Variants in METTL15 observed in about 807,000 individuals in gnomAD.
METTL15 encodes the protein 12S rRNA N(4)-cytidine methyltransferase METTL15.
In METTL15, 34 loss-of-function variants were observed where a neutral mutation model predicts 38.3. That is an observed-to-expected ratio of 0.89 (90% CI 0.68 to 1.18). METTL15 has a LOEUF of 1.18. Ranked by LOEUF, METTL15 falls within the 50% of genes most tolerant of loss-of-function variation. The pLI is 0.00. For missense variants in METTL15, 438 were observed against 498.4 expected, an observed-to-expected ratio of 0.88 and a Z score of 1.15; for synonymous variants, 162 against 170.9, an observed-to-expected ratio of 0.95 and a Z score of 0.41.
chr11:28,159,962 G>C (rs1850397535), intron 3 of METTL15, among the ~76,000 whole-genome samples: 1 of 152,112 alleles, frequency 6.6e-6, no homozygotes, highest in Admixed American at 6.6e-5. Context: ...GTCTATGAGA[G>C]TATTGCCAAA....
rs540523202 is a variant in METTL15 at position 28,172,568 on chromosome 11, G to A, written c.271-38494G>A. Among the ~76,000 whole-genome samples, 26 of 152,038 alleles carry A rather than the reference G, an allele frequency of 1.7e-4. No individual in the cohort carries two copies. In the South Asian group the frequency reaches 5.4e-3, roughly 32 times the overall value. ...AGCTTCCATTTATTATACCGTTTTA[G>A]CACTCTACTAACTGCCTTACATTCT... On this transcript the variant is annotated intron_variant, in intron 3 of 6. Coordinates refer to ENST00000407364, the MANE Select transcript of METTL15 (RefSeq NM_001113528.2).
intron 2 of METTL15, among the ~76,000 whole-genome samples, chr11:28,110,743 T>C (rs754666554): frequency 7.9e-5 from 12 of 152,212 alleles, no homozygotes; most frequent in Non-Finnish European, 1.6e-4. Context: ...GCAATGATTA[T>C]AATTGTTAGA....
intron 6 of METTL15, among the ~76,000 whole-genome samples, chr11:28,509,511 A>T (rs1006918158): frequency 3.3e-5 from 5 of 151,270 alleles, no homozygotes; most frequent in Admixed American, 3.3e-4. Flanking sequence ...AGCAAGACTT[A>T]TCTTTTGGAT....
chr11:28,393,004 G>A (rs943555118), intron 5 of METTL15, among the ~76,000 whole-genome samples: 1 of 151,792 alleles, frequency 6.6e-6, no homozygotes, highest in Non-Finnish European at 1.5e-5. Context: ...AGAAAAAAAA[G>A]CAAAACAGAA....
intron 6 of METTL15, among the ~76,000 whole-genome samples, chr11:28,510,695 A>T (rs1176126212): frequency 1.3e-5 from 2 of 152,206 alleles, no homozygotes; most frequent in Non-Finnish European, 2.9e-5. Flanking sequence ...AATCATGTTA[A>T]GTATGCAAAC....
chr11:28,512,200 A>G (rs983300748), intron 6 of METTL15, among the ~76,000 whole-genome samples: 1 of 152,196 alleles, frequency 6.6e-6, no homozygotes, highest in African/African-American at 2.4e-5. Flanking sequence ...TGATTGGTGC[A>G]TTTACAACCC....
chr11:28,343,534 T>C (rs1023117199), intron 3 of METTL15, among the ~76,000 whole-genome samples: 3 of 152,194 alleles, frequency 2.0e-5, no homozygotes, highest in Non-Finnish European at 4.4e-5. Flanking sequence ...CTGGGAAAAG[T>C]GTATCGCAGC....
chr11:28,416,678 T>G (rs2133417372), intron 5 of METTL15, among the ~76,000 whole-genome samples: 1 of 152,312 alleles, frequency 6.6e-6, no homozygotes, highest in East Asian at 1.9e-4. Context: ...CCACAGATAC[T>G]TTGCTCTTTT....
chr11:28,379,099 G>T (rs868115011), intron 5 of METTL15, among the ~76,000 whole-genome samples: 2 of 151,094 alleles, frequency 1.3e-5, no homozygotes, highest in African/African-American at 4.9e-5. Context: ...ATTTATTTTT[G>T]GTGTACTCTT....
intron 4 of METTL15, among the ~76,000 whole-genome samples, chr11:28,289,797 G>C (rs1019890700): frequency 6.6e-6 from 1 of 152,004 alleles, no homozygotes; most frequent in Non-Finnish European, 1.5e-5. Context: ...TCTTTTTTAT[G>C]ATTTATATTA....
At position 28,113,392 on chromosome 11, in the gene METTL15, G is replaced by A. The variant is rs754479321; in HGVS notation, c.58G>A (p.Glu20Lys). 64 of 1,595,110 alleles carry A rather than the reference G, an allele frequency of 4.0e-5. 2 individuals are homozygous for A. Among genetic ancestry groups the A allele is most frequent in the South Asian group, 2.5e-4 (22 of 88,442 alleles). ...TAAAGAATGCCTTTCATGTTGGTTG[G>A]AATCTGGCATACCTAATTTAGGTGT... ...MYKECLSCWLESGIPNLGVWP... is the reference protein window; with the variant it reads ...MYKECLSCWLKSGIPNLGVWP... The change falls in exon 3 of 7, where the codon GAA (glutamate) becomes AAA (lysine). Residue 20 changes from glutamate (E) to lysine (K), a missense_variant. Glu to Lys is a moderately conservative substitution (Grantham distance 56). Transcript: ENST00000407364.
chr11:28,234,224 T>A lies in METTL15; in HGVS notation c.407+23026T>A, dbSNP rs186801089. Among the ~76,000 whole-genome samples the A allele has an allele frequency of 4.6e-3, 708 of 152,290 alleles. 5 individuals are homozygous for A. Among genetic ancestry groups the A allele is most frequent in the South Asian group, 0.02 (95 of 4,830 alleles). On this transcript the variant is annotated intron_variant, in intron 4 of 6. Coordinates refer to ENST00000407364, the MANE Select transcript of METTL15 (RefSeq NM_001113528.2). Reference sequence around the variant, plus strand: ...TATCATTGTTGGACATTTGGGTTGGTTCCAGGTCTTTGCTATTGTGAATAG... The same window carrying A: ...TATCATTGTTGGACATTTGGGTTGGATCCAGGTCTTTGCTATTGTGAATAG...
intron 5 of METTL15, among the ~76,000 whole-genome samples, chr11:28,408,523 A>G (rs890225159): frequency 6.6e-6 from 1 of 152,208 alleles, no homozygotes; most frequent in African/African-American, 2.4e-5. Flanking sequence ...AATAGTTTTT[A>G]AATGTATTAA....
rs957482724 is a variant in METTL15 at position 28,384,559 on chromosome 11, C to T, written c.*358+22523C>T. On this transcript the variant is annotated intron_variant and NMD_transcript_variant, in intron 5 of 7. Transcript: ENST00000532947. Reference sequence around the variant, plus strand: ...TCCTGACCTCAGATGATGCACTTGCCTTGGCCTCCCAACGTGCTGTGGTTA... The same window carrying T: ...TCCTGACCTCAGATGATGCACTTGCTTTGGCCTCCCAACGTGCTGTGGTTA... 2.0e-4 allele frequency among the ~76,000 whole-genome samples: 31 copies of T among 152,130 alleles called. 1 individual carries two copies. The highest frequency in any genetic ancestry group is 7.0e-4 in the African/African-American group (29 of 41,432).
At chr11:28,470,285 C>T (rs992768967) in intron 6 of METTL15, among the ~76,000 whole-genome samples, 1 of 152,116 alleles carries the variant, frequency 6.6e-6, no homozygotes, top group Admixed American at 6.6e-5. Context: ...AATCTTTTTA[C>T]ATAGTAATAG....
intron 3 of METTL15, among the ~76,000 whole-genome samples, chr11:28,209,476 T>C (rs1226384589): frequency 1.3e-5 from 2 of 152,038 alleles, no homozygotes; most frequent in Admixed American, 6.6e-5. Context: ...TAAAAAGATA[T>C]TGTTTAAAAT....
chr11:28,500,863 G>T (rs1430280018), intron 6 of METTL15, among the ~76,000 whole-genome samples: 1 of 152,028 alleles, frequency 6.6e-6, no homozygotes, highest in Non-Finnish European at 1.5e-5. Context: ...GATTTTCAGT[G>T]TATATGACTT....
intron 4 of METTL15, among the ~76,000 whole-genome samples, chr11:28,261,839 G>A (rs1161621875): frequency 6.6e-6 from 1 of 152,086 alleles, no homozygotes; most frequent in Non-Finnish European, 1.5e-5. Context: ...CATACTATGT[G>A]CTAATCAATG....
In METTL15 at chr11:28,237,480, G is replaced by C. The variant is rs1296699763; in HGVS notation, c.407+26282G>C. 2.0e-5 allele frequency among the ~76,000 whole-genome samples: 3 copies of C among 151,986 alleles called. No homozygotes were observed. The East Asian group carries it at 5.8e-4, about 29-fold the overall frequency. ...GCTCCTTTAAGCACTTCTCTGTATT[G>C]GTTATTCTAGTTATACATTCGTCTA... On this transcript the variant is annotated intron_variant, in intron 4 of 6. Coordinates refer to ENST00000407364, the MANE Select transcript of METTL15 (RefSeq NM_001113528.2).
Sources: allele counts gnomAD v4.1 joint callset (sites outside exome capture counted in the v4.1 genomes callset), GRCh38; gene constraint gnomAD v4.1.1; transcripts MANE v1.5; gene names NCBI Gene and HGNC (gene_info 2026-07-23, HGNC 2026-07-21).